Variants in CSPP1 observed in about 807,000 individuals in gnomAD.
CSPP1 encodes centrosome and spindle pole associated protein 1.
In CSPP1, 126 loss-of-function variants were observed where a neutral mutation model predicts 164.4. The observed-to-expected ratio is 0.77, with a 90% CI of 0.66 to 0.89. The LOEUF (loss-of-function observed/expected upper bound fraction) is 0.89. Among genes scored for constraint, CSPP1 ranks in the 40% least tolerant of loss-of-function variants. The probability of loss-of-function intolerance (pLI) is 0.00; values close to 1 mark genes in which losing one functional copy is unlikely to be tolerated. For missense variants in CSPP1, 1,395 were observed against 1,449.8 expected (o/e 0.96, Z 0.61); for synonymous variants, 472 against 476.7 (o/e 0.99, Z 0.13).
chr8:67,117,196 T>A (rs1375782349), intron 13 of CSPP1, among the ~76,000 whole-genome samples: 1 of 152,226 alleles, frequency 6.6e-6, no homozygotes, highest in African/African-American at 2.4e-5. Flanking sequence ...GATTTAATGA[T>A]GACAGCTCCC....
chr8:67,145,713 A>C (rs962577685), intron 17 of CSPP1, among the ~76,000 whole-genome samples: 2 of 151,618 alleles, frequency 1.3e-5, no homozygotes, highest in Admixed American at 1.3e-4. Context: ...TTTTTAGTAG[A>C]GACGGGGTTT....
At chr8:67,129,981 C>T (rs1238156658) in intron 15 of CSPP1, among the ~76,000 whole-genome samples, 3 of 152,268 alleles carry the variant, frequency 2.0e-5, no homozygotes, top group East Asian at 1.9e-4. Flanking sequence ...AGTTGACACT[C>T]GATAACACAG....
chr8:67,193,598 T>C lies in CSPP1; in HGVS notation c.3465T>C (p.Asn1155=). ...RLNEFHNKPI[N]TDDESSLVDP... is the part of the protein sequence containing the mutation. ...ATGAATTTCACAATAAACCTATTAA[T>C]ACAGGTAAATGACCAAGTGTAATGG... The change falls in exon 30 of 31, where the codon AAT becomes AAC. Residue 1155 remains asparagine, a synonymous_variant. Transcript: ENST00000678616. The C allele has an allele frequency of 1.2e-6, 2 of 1,613,006 alleles. No individual in the cohort carries two copies. Among genetic ancestry groups the C allele is most frequent in the Non-Finnish European group, 1.7e-6 (2 of 1,179,276 alleles).
chr8:67,182,189 G>C (rs761305363), intron 28 of CSPP1, among the ~76,000 whole-genome samples: 4 of 152,084 alleles, frequency 2.6e-5, no homozygotes, highest in Non-Finnish European at 5.9e-5. Context: ...TTTTTGTAGA[G>C]ACAGGGTTTC....
chr8:67,086,868 C>T (rs1161136123), intron 4 of CSPP1: 2 of 1,316,898 alleles, frequency 1.5e-6, no homozygotes, highest in South Asian at 2.4e-5. Flanking sequence ...TGCAATACGT[C>T]CTCCTTCAGT....
At chr8:67,087,739 A>C (rs2129543840) in intron 4 of CSPP1, among the ~76,000 whole-genome samples, 1 of 152,326 alleles carries the variant, frequency 6.6e-6, no homozygotes, top group South Asian at 2.1e-4. Context: ...GATAGGATCA[A>C]ATTAGAAGGC....
chr8:67,180,166 T>C (rs1163976533), intron 28 of CSPP1, among the ~76,000 whole-genome samples: 1 of 152,194 alleles, frequency 6.6e-6, no homozygotes, highest in African/African-American at 2.4e-5. Context: ...AACAGCCTCA[T>C]TTCTAATGCC....
chr8:67,112,082 A>G lies in CSPP1; in HGVS notation c.1187+17A>G. 6.4e-7 allele frequency: 1 copy of G among 1,567,954 alleles called. No individual in the cohort carries two copies. ...CAAGAGACGGTAATGAAAGGTTTGCATTTAAAAGAGATATTTTGAGTTTAA... is the reference window on the plus strand; with the variant it reads ...CAAGAGACGGTAATGAAAGGTTTGCGTTTAAAAGAGATATTTTGAGTTTAA... On this transcript the variant is annotated intron_variant, in intron 10 of 30. Coordinates refer to ENST00000678616, the MANE Select transcript of CSPP1 (RefSeq NM_001382391.1).
rs186298937 is a variant in CSPP1 at position 67,089,139 on chromosome 8, T to A, written c.304-2664T>A. The stretch of plus-strand genomic sequence containing the variant: ...TGGATTGCATGGATATTTGAGTTTT[T>A]AAAAAAAATCAAATCTTTTAATTTT... On this transcript the variant is annotated intron_variant, in intron 4 of 30. Coordinates refer to ENST00000678616, the MANE Select transcript of CSPP1 (RefSeq NM_001382391.1). Among the ~76,000 whole-genome samples, 214 of 152,186 alleles carry A rather than the reference T, an allele frequency of 1.4e-3. 1 individual carries two copies. The East Asian group carries it at 0.029, about 21-fold the overall frequency.
In CSPP1 at chr8:67,091,937, C is replaced by A; in HGVS notation, c.384+54C>A. The A allele has an allele frequency of 3.7e-6, 2 of 547,008 alleles. 1 individual carries two copies. The highest frequency in any genetic ancestry group is 3.8e-5 in the South Asian group (2 of 53,242). 33.9% of individuals were successfully genotyped at this position (547,008 alleles called of 1,614,324 possible). A position where few individuals can be genotyped will look rare whatever the true frequency, so the allele number is the denominator to read the frequency against. ...TACCAGTTTTCCGAGGCATCAAAAT[C>A]ATTAAAGAACATACTGCTGATTTAA... On this transcript the variant is annotated intron_variant, in intron 5 of 30. Transcript: ENST00000678616.
chr8:67,132,120 G>A, intron 16 of CSPP1, 40 bp downstream of exon 16: 1 of 1,575,126 alleles, frequency 6.3e-7, no homozygotes, highest in Non-Finnish European at 8.6e-7. Context: ...AACCTCTTAA[G>A]TGTAAGCATG....
chr8:67,108,013 TCAGAATA>T (rs1317030630), intron 9 of CSPP1, among the ~76,000 whole-genome samples: 3 of 131,012 alleles, frequency 2.3e-5, no homozygotes, highest in African/African-American at 9.0e-5. Context: ...TTTGGGTGGC[TCAGAATA>T]TAGTCTGTCT....
In CSPP1 at chr8:67,143,710, A is replaced by G. The variant is rs546688639; in HGVS notation, c.1976-6073A>G. Among the ~76,000 whole-genome samples the G allele has an allele frequency of 3.2e-3, 482 of 152,280 alleles. 1 individual carries two copies. Among genetic ancestry groups the G allele is most frequent in the Middle Eastern group, 0.017 (5 of 294 alleles). On this transcript the variant is annotated intron_variant, in intron 17 of 30. Coordinates refer to ENST00000678616, the MANE Select transcript of CSPP1 (RefSeq NM_001382391.1). ...CTATTTTAAAATGTTACATTAAAAA[A>G]TTTTTAATTCATTTGTTCATTGATG...
chr8:67,159,793 A>T (rs1827407391), intron 21 of CSPP1, among the ~76,000 whole-genome samples: 1 of 150,640 alleles, frequency 6.6e-6, no homozygotes, highest in African/African-American at 2.4e-5. Flanking sequence ...GAGTGCTGAG[A>T]TTACAGGAGT....
Position 67,159,908 on chromosome 8 carries a change from CTT to C in CSPP1, c.2538+773_2538+774del, listed in dbSNP as rs1348290791. Reference sequence around the variant, plus strand: ...TCTTTCTTTCTTTCTTTCTTTCTTTCTTTCTTTCTTTCTTTCCTTTCCTTCCT... The same window carrying C: ...TCTTTCTTTCTTTCTTTCTTTCTTTCTCTTTCTTTCTTTCCTTTCCTTCCT... On this transcript the variant is annotated intron_variant, in intron 21 of 30. Transcript: ENST00000678616. Among the ~76,000 whole-genome samples the C allele has an allele frequency of 1.7e-3, 112 of 66,186 alleles. 1 individual carries two copies. The highest frequency in any genetic ancestry group is 2.5e-3 in the Admixed American group (15 of 6,016). 43.4% of individuals were successfully genotyped at this position (66,186 alleles called of 152,430 possible).
chr8:67,150,711 A>G (rs991576126), intron 18 of CSPP1, among the ~76,000 whole-genome samples: 1 of 152,112 alleles, frequency 6.6e-6, no homozygotes, highest in African/African-American at 2.4e-5. Context: ...ATGCCTCTTA[A>G]CTACTTATCT....
intron 3 of CSPP1, chr8:67,083,548 A>AAAAAAAAAATATATATATATATAT (rs1332248754): frequency 1.1e-5 from 1 of 91,502 alleles, no homozygotes; most frequent in African/African-American, 4.5e-5. Flanking sequence ...AAAAAAAAAA[A>AAAAAAAAAATATATATATATATAT]ATATATATAT....
Position 67,193,533 on chromosome 8 carries a change from G to A in CSPP1, c.3400G>A (p.Glu1134Lys), listed in dbSNP as rs987736040. ...ATCTATATCCAGTGTAAATGTTGAT[G>A]AGCTTAGAGTGAGAAATGAGGAACG... is the stretch of plus-strand genomic sequence containing the variant. ...LKSISSVNVD[E>K]LRVRNEERMR... The change falls in exon 30 of 31, where the codon GAG (glutamate) becomes AAG (lysine). Residue 1134 changes from glutamate to lysine, a missense_variant. By Grantham distance (56) the Glu-to-Lys change is moderately conservative. Coordinates refer to ENST00000678616, the MANE Select transcript of CSPP1 (RefSeq NM_001382391.1). 13 of 1,613,204 alleles carry A rather than the reference G, an allele frequency of 8.1e-6. No individual in the cohort carries two copies. Among genetic ancestry groups the A allele is most frequent in the Middle Eastern group, 1.6e-4 (1 of 6,062 alleles).
chr8:67,156,576 T>C (rs768998428), intron 19 of CSPP1, among the ~76,000 whole-genome samples: 33 of 152,276 alleles, frequency 2.2e-4, no homozygotes, highest in Non-Finnish European at 4.0e-4. Flanking sequence ...TAAGAAAATG[T>C]AAAATAGATC....
Sources: allele counts gnomAD v4.1 joint callset (sites outside exome capture counted in the v4.1 genomes callset), GRCh38; gene constraint gnomAD v4.1.1; transcripts MANE v1.5; gene names NCBI Gene and HGNC (gene_info 2026-07-23, HGNC 2026-07-21).